PTPRM: variants seen among roughly 807,000 people sequenced by gnomAD.
PTPRM encodes protein tyrosine phosphatase receptor type M.
A neutral mutation model predicts 186.7 loss-of-function variants in PTPRM; 47 were observed. That is an observed-to-expected ratio of 0.25 (90% confidence interval 0.20 to 0.32). The LOEUF is 0.32. Among genes scored for constraint, PTPRM ranks in the 10% least tolerant of loss-of-function variants. The probability of loss-of-function intolerance (pLI) is 1.00; values close to 1 mark genes in which losing one functional copy is unlikely to be tolerated. For missense variants in PTPRM, 1,494 were observed against 1,865.0 expected (o/e 0.80, Z 3.66); for synonymous variants, 668 against 674.9 (o/e 0.99, Z 0.16).
At chr18:7,762,510 A>C (rs1172890700) in intron 1 of PTPRM, among the ~76,000 whole-genome samples, 1 of 152,216 alleles carries the variant, frequency 6.6e-6, no homozygotes, top group Non-Finnish European at 1.5e-5. Context: ...TCAGAAAAAC[A>C]ACAGATGTCA....
chr18:8,040,219 ATATCTATGCTTGT>A (rs1459672987), intron 7 of PTPRM, among the ~76,000 whole-genome samples: 1 of 152,172 alleles, frequency 6.6e-6, no homozygotes, highest in Admixed American at 6.5e-5. Context: ...TGTCTACCAC[ATATCTATGCTTGT>A]TATGTGCAGC....
chr18:7,838,460 C>A (rs370816866), intron 2 of PTPRM, among the ~76,000 whole-genome samples: 16 of 152,210 alleles, frequency 1.1e-4, no homozygotes, highest in African/African-American at 2.4e-4. Flanking sequence ...TGGAAGAATT[C>A]TCTGGATTAC....
At chr18:7,785,458 C>T (rs576686827) in intron 2 of PTPRM, among the ~76,000 whole-genome samples, 42 of 152,074 alleles carry the variant, frequency 2.8e-4, no homozygotes, top group East Asian at 1.2e-3. Flanking sequence ...AGAGAGAGCG[C>T]GCATGTGTGC....
At chr18:7,588,741 C>T (rs1233752507) in intron 1 of PTPRM, among the ~76,000 whole-genome samples, 1 of 152,232 alleles carries the variant, frequency 6.6e-6, no homozygotes, top group African/African-American at 2.4e-5. Context: ...GCCTTAATGT[C>T]ACCAGTTCTT....
At chr18:7,749,238 C>T (rs1030444923) in intron 1 of PTPRM, 1 of 152,062 alleles carries the variant, frequency 6.6e-6, no homozygotes, top group Non-Finnish European at 1.5e-5. Context: ...TTGTTCTTCT[C>T]ACCCAACTGC....
intron 3 of PTPRM, among the ~76,000 whole-genome samples, chr18:7,895,879 T>G (rs1054124884): frequency 6.6e-6 from 1 of 152,192 alleles, no homozygotes; most frequent in African/African-American, 2.4e-5. Context: ...TGTTAGACAT[T>G]TATAGAATTT....
At chr18:7,753,329 C>CATAT (rs1452585399) in intron 1 of PTPRM, among the ~76,000 whole-genome samples, 1 of 151,820 alleles carries the variant, frequency 6.6e-6, no homozygotes, top group Non-Finnish European at 1.5e-5. Context: ...TATATCTATA[C>CATAT]ATATATATGT....
At chr18:8,117,291 A>G (rs1190326543) in intron 13 of PTPRM, among the ~76,000 whole-genome samples, 1 of 152,178 alleles carries the variant, frequency 6.6e-6, no homozygotes, top group Non-Finnish European at 1.5e-5. Flanking sequence ...GTGTTGCCAC[A>G]TACTGCTCAC....
rs75028267 is a variant in PTPRM at position 7,809,740 on chromosome 18, G to A, written c.196+35469G>A. Among the ~76,000 whole-genome samples the A allele has an allele frequency of 1.3e-3, 200 of 152,156 alleles. 3 individuals carry two copies. In the East Asian group the frequency reaches 0.033, roughly 25 times the overall value. On this transcript the variant is annotated intron_variant, in intron 2 of 32. Transcript: ENST00000580170. Reference sequence around the variant, plus strand: ...TGCTCTGGATACCTGAGCCCCTTTCGGTGTTACAGTGATGTTTTACTAGAT... The same window carrying A: ...TGCTCTGGATACCTGAGCCCCTTTCAGTGTTACAGTGATGTTTTACTAGAT...
intron 7 of PTPRM, among the ~76,000 whole-genome samples, chr18:7,982,072 A>G (rs546736024): frequency 4.6e-5 from 7 of 152,298 alleles, no homozygotes; most frequent in African/African-American, 1.4e-4. Flanking sequence ...AGGTTACATT[A>G]AATTTATTTT....
At chr18:8,087,616 C>T (rs145125572) in intron 10 of PTPRM, among the ~76,000 whole-genome samples, 106 of 152,156 alleles carry the variant, frequency 7.0e-4, no homozygotes, top group African/African-American at 2.1e-3. Flanking sequence ...TTTACAGGTC[C>T]TGTTTTCAAT....
chr18:7,901,757 C>T (rs1386270044), intron 3 of PTPRM, among the ~76,000 whole-genome samples: 1 of 152,228 alleles, frequency 6.6e-6, no homozygotes, highest in African/African-American at 2.4e-5. Flanking sequence ...TCTCAGACTA[C>T]TGTATGGCAT....
At chr18:7,731,391 A>G (rs1481397665) in intron 1 of PTPRM, among the ~76,000 whole-genome samples, 2 of 152,196 alleles carry the variant, frequency 1.3e-5, no homozygotes, top group Admixed American at 1.3e-4. Flanking sequence ...AATTGAAATA[A>G]GCTTGGTTGG....
intron 1 of PTPRM, among the ~76,000 whole-genome samples, chr18:7,679,902 G>A (rs1188793554): frequency 6.6e-6 from 1 of 151,984 alleles, no homozygotes; most frequent in Non-Finnish European, 1.5e-5. Context: ...ATCTCACTCG[G>A]TCACTCAGGC....
chr18:8,282,576 C>T (rs568095410), intron 19 of PTPRM, among the ~76,000 whole-genome samples: 9 of 152,170 alleles, frequency 5.9e-5, no homozygotes, highest in East Asian at 1.9e-4. Flanking sequence ...GCGGGAGAAA[C>T]GCTTGAACCC....
chr18:7,988,791 T>C (rs918183206), intron 7 of PTPRM, among the ~76,000 whole-genome samples: 5 of 152,160 alleles, frequency 3.3e-5, no homozygotes, highest in Admixed American at 2.6e-4. Context: ...ATATACCACA[T>C]TTTGTTTATT....
intron 11 of PTPRM, among the ~76,000 whole-genome samples, chr18:8,104,404 G>A (rs986120456): frequency 1.8e-4 from 27 of 151,834 alleles, no homozygotes; most frequent in African/African-American, 6.3e-4. Context: ...TTATTTCCTT[G>A]TTATTATTTT....
At chr18:7,938,157 A>C (rs988754086) in intron 5 of PTPRM, among the ~76,000 whole-genome samples, 1 of 152,236 alleles carries the variant, frequency 6.6e-6, no homozygotes, top group African/African-American at 2.4e-5. Flanking sequence ...GAGCTAAGAT[A>C]TCTTGGTATG....
At chr18:7,695,832 T>G (rs970742769) in intron 1 of PTPRM, among the ~76,000 whole-genome samples, 3 of 152,220 alleles carry the variant, frequency 2.0e-5, no homozygotes, top group African/African-American at 7.2e-5. Flanking sequence ...CACAAAGCAG[T>G]TGGATTCTGA....
Sources: gnomAD v4.1 joint callset for allele counts (sites outside exome capture counted in the v4.1 genomes callset) on GRCh38, gnomAD v4.1.1 for gene constraint, MANE v1.5 for transcripts, NCBI Gene and HGNC (gene_info 2026-07-23, HGNC 2026-07-21) for gene names.